The following GRIK4 variants were observed in gnomAD, a reference collection of about 807,000 sequenced individuals.
The protein encoded by GRIK4 is glutamate ionotropic receptor kainate type subunit 4.
A neutral mutation model predicts 104.9 loss-of-function variants in GRIK4; 40 were observed. That is an observed-to-expected ratio of 0.38 (90% CI 0.30 to 0.50). The LOEUF is 0.50. Among genes scored for constraint, GRIK4 ranks in the 20% least tolerant of loss-of-function variants. The pLI is 0.93. For missense variants in GRIK4, 1,047 were observed against 1,308.1 expected (o/e 0.80, Z 3.08); for synonymous variants, 485 against 524.9 (o/e 0.92, Z 1.04).
At chr11:120,853,253 G>T (rs1731720723) in intron 8 of GRIK4, among the ~76,000 whole-genome samples, 1 of 152,172 alleles carries the variant, frequency 6.6e-6, no homozygotes, top group African/African-American at 2.4e-5. Flanking sequence ...AGCATGAAAA[G>T]ACTTGTGTGT....
intron 6 of GRIK4, among the ~76,000 whole-genome samples, chr11:120,827,227 T>C (rs1467304731): frequency 1.3e-5 from 2 of 152,214 alleles, no homozygotes; most frequent in African/African-American, 2.4e-5. Flanking sequence ...CTTGGTGTCC[T>C]TGTCCTGCGG....
intron 6 of GRIK4, among the ~76,000 whole-genome samples, chr11:120,822,570 A>G (rs1953155431): frequency 1.3e-5 from 2 of 152,208 alleles, no homozygotes; most frequent in African/African-American, 4.8e-5. Context: ...TTAAAATTAA[A>G]TAAACTTAGA....
At chr11:120,645,825 G>C (rs182947634) in intron 1 of GRIK4, among the ~76,000 whole-genome samples, 118 of 152,338 alleles carry the variant, frequency 7.7e-4, no homozygotes, top group Admixed American at 4.1e-3. Context: ...GCTCTTCCCT[G>C]TGGTTAATGT....
In GRIK4 at chr11:120,549,565, A is replaced by T. The variant is rs979277730; in HGVS notation, c.-159+37678A>T. 6.6e-6 allele frequency among the ~76,000 whole-genome samples: 1 copy of T among 152,192 alleles called. No homozygotes were observed. Among genetic ancestry groups the T allele is most frequent in the Non-Finnish European group, 1.5e-5 (1 of 68,034 alleles). On this transcript the variant is annotated intron_variant, in intron 1 of 20. Transcript: ENST00000527524. The surrounding 1 kb of genome is among the most constrained non-coding windows in gnomAD (Gnocchi z 4.7). ...TGTAAGAGGTGAGGGCAGAGACAGG[A>T]TAGGGAGGGGCACAGCAGGCACCCC... is the stretch of plus-strand genomic sequence containing the variant.
intron 3 of GRIK4, among the ~76,000 whole-genome samples, chr11:120,789,600 T>A (rs1242717958): frequency 6.6e-6 from 1 of 152,150 alleles, no homozygotes; most frequent in Non-Finnish European, 1.5e-5. Context: ...TCTTATGACG[T>A]CATCGCCTGT....
chr11:120,985,804 C>G (rs1944732374), intron 20 of GRIK4, 100 bp from the exon 21 acceptor site: 8 of 1,035,118 alleles, frequency 7.7e-6, no homozygotes, highest in African/African-American at 1.6e-5. Flanking sequence ...TGACACGATT[C>G]TGTGACCGCT....
chr11:120,751,492 G>A (rs1309818388), intron 3 of GRIK4, among the ~76,000 whole-genome samples: 1 of 152,164 alleles, frequency 6.6e-6, no homozygotes, highest in African/African-American at 2.4e-5. Flanking sequence ...CCATAAGCCT[G>A]TGCTCTGAGA....
intron 3 of GRIK4, among the ~76,000 whole-genome samples, chr11:120,768,042 T>G (rs533798515): frequency 4.6e-5 from 7 of 152,118 alleles, no homozygotes; most frequent in African/African-American, 7.2e-5. Flanking sequence ...TTTTTTTTTT[T>G]TGTGATCCCA....
At chr11:120,736,586 T>TA (rs1951225879) in intron 3 of GRIK4, among the ~76,000 whole-genome samples, 1 of 152,206 alleles carries the variant, frequency 6.6e-6, no homozygotes, top group South Asian at 2.1e-4. Flanking sequence ...ATGTATAATG[T>TA]AGGATAAAGC....
At chr11:120,538,706 T>A (rs1948003231) in intron 1 of GRIK4, among the ~76,000 whole-genome samples, 1 of 152,214 alleles carries the variant, frequency 6.6e-6, no homozygotes, top group African/African-American at 2.4e-5. Flanking sequence ...CCTGGGTAAC[T>A]ACCTATCTGT....
At chr11:120,907,412 C>T (rs1189160022) in intron 13 of GRIK4, among the ~76,000 whole-genome samples, 2 of 152,118 alleles carry the variant, frequency 1.3e-5, no homozygotes, top group African/African-American at 4.8e-5. Flanking sequence ...AGCCACACAC[C>T]GAGTGACTTG....
chr11:120,634,746 G>A (rs1053241017), intron 1 of GRIK4, among the ~76,000 whole-genome samples: 2 of 152,126 alleles, frequency 1.3e-5, no homozygotes, highest in Admixed American at 1.3e-4. Flanking sequence ...TTCCTTGTGG[G>A]AGTTCTCAAG....
chr11:120,675,189 C>G (rs1157140429), intron 3 of GRIK4, among the ~76,000 whole-genome samples: 3 of 152,258 alleles, frequency 2.0e-5, no homozygotes, highest in Admixed American at 2.0e-4. Flanking sequence ...TAACCAACCT[C>G]TTCTTCATCT....
intron 1 of GRIK4, among the ~76,000 whole-genome samples, chr11:120,569,773 G>A (rs932856143): frequency 1.3e-5 from 2 of 152,178 alleles, no homozygotes; most frequent in African/African-American, 4.8e-5. Context: ...GAGGCTGGGT[G>A]TAGGGAACAG....
At chr11:120,543,864 CTA>C (rs1948060831) in intron 1 of GRIK4, among the ~76,000 whole-genome samples, 1 of 152,166 alleles carries the variant, frequency 6.6e-6, no homozygotes, top group Non-Finnish European at 1.5e-5. Flanking sequence ...GGACAGTGTG[CTA>C]AGTGAAATAA....
At chr11:120,846,072 A>G (rs1953845809) in intron 8 of GRIK4, among the ~76,000 whole-genome samples, 1 of 152,244 alleles carries the variant, frequency 6.6e-6, no homozygotes, top group Non-Finnish European at 1.5e-5. Context: ...TATTCTCTGC[A>G]CATGGTTGTT....
At chr11:120,958,488 G>A (rs917380706) in intron 16 of GRIK4, among the ~76,000 whole-genome samples, 7 of 152,252 alleles carry the variant, frequency 4.6e-5, no homozygotes, top group Admixed American at 6.5e-5. Flanking sequence ...GGTTTGGTCC[G>A]TTCCATGGAG....
rs1333213624 is a variant in GRIK4, at chr11:120,573,678, G to C, written c.-159+61791G>C. Among the ~76,000 whole-genome samples, 4 of 152,242 alleles carry C rather than the reference G, an allele frequency of 2.6e-5. No homozygotes were observed. The East Asian group carries it at 7.7e-4, about 29-fold the overall frequency. ...ATGGGGAAAACTAGAAACAGAGAGAGCAGTGGGGTGTGGCCTGGACTGGGA... is the reference window on the plus strand; with the variant it reads ...ATGGGGAAAACTAGAAACAGAGAGACCAGTGGGGTGTGGCCTGGACTGGGA... On this transcript the variant is annotated intron_variant, in intron 1 of 20. Coordinates refer to ENST00000527524, the MANE Select transcript of GRIK4 (RefSeq NM_014619.5).
intron 14 of GRIK4, among the ~76,000 whole-genome samples, chr11:120,941,808 C>T (rs1381206994): frequency 6.6e-6 from 1 of 152,036 alleles, no homozygotes; most frequent in Non-Finnish European, 1.5e-5. Flanking sequence ...GCAGAGAGAG[C>T]CTGGCCCCAC....
Sources: gnomAD v4.1 joint callset for allele counts (sites outside exome capture counted in the v4.1 genomes callset) on GRCh38, gnomAD v4.1.1 for gene constraint, Gnocchi (gnomAD v3.1) non-coding constraint, MANE v1.5 for transcripts, NCBI Gene and HGNC (gene_info 2026-07-23, HGNC 2026-07-21) for gene names.